Variants in DNAH6 observed in about 807,000 individuals in gnomAD.
DNAH6 encodes the protein dynein axonemal heavy chain 6, also known as axonemal beta dynein heavy chain 6.
A neutral mutation model predicts 491.4 loss-of-function variants in DNAH6; 340 were observed. That is an observed-to-expected ratio of 0.69 (90% CI 0.63 to 0.76). The LOEUF (loss-of-function observed/expected upper bound fraction) is 0.76. DNAH6 is among the 30% of genes least tolerant of loss of function. DNAH6 has a pLI of 0.00. For missense variants in DNAH6, 4,443 were observed against 4,972.2 expected (o/e 0.89, Z 3.20); for synonymous variants, 1,603 against 1,686.1 (o/e 0.95, Z 1.21).
At position 84,819,460 on chromosome 2, in the gene DNAH6, T is replaced by C. The variant is rs1680820278; in HGVS notation, c.*52T>C. 1 of 1,215,030 alleles carries C rather than the reference T, an allele frequency of 8.2e-7. No individual in the cohort carries two copies. The highest frequency in any genetic ancestry group is 2.3e-5 in the Admixed American group (1 of 43,504). 75.3% of individuals were successfully genotyped at this position (1,215,030 alleles called of 1,614,324 possible). A position where few individuals can be genotyped will look rare whatever the true frequency, so the allele number is the denominator to read the frequency against. ...GAACCAGGCCAGAGATCTTTCCTAA[T>C]GGGAGCAAAAGGTTTGAATAATTTA... is the stretch of plus-strand genomic sequence containing the variant. On this transcript the variant is annotated 3_prime_UTR_variant, in exon 77 of 77. Transcript: ENST00000389394.
intron 54 of DNAH6, among the ~76,000 whole-genome samples, chr2:84,709,016 G>A (rs1412781500): frequency 2.0e-5 from 3 of 152,196 alleles, no homozygotes; most frequent in Admixed American, 2.0e-4. Flanking sequence ...TTCTCCATAT[G>A]CTTTCAGACT....
chr2:84,510,207 T>A, the DNAH6 span, among the ~76,000 whole-genome samples: 8 of 152,244 alleles, frequency 5.3e-5, no homozygotes, highest in African/African-American at 1.9e-4. Flanking sequence ...CACTTTCAGG[T>A]ACAAAAATCA....
At chr2:84,715,208 G>C (rs1431089301) in intron 57 of DNAH6, among the ~76,000 whole-genome samples, 2 of 152,008 alleles carry the variant, frequency 1.3e-5, no homozygotes, top group African/African-American at 4.8e-5. Context: ...ACAGATGAGT[G>C]GCTCATCCAA....
At chr2:84,521,107 T>C (rs1308227306) in intron 2 of DNAH6, among the ~76,000 whole-genome samples, 1 of 152,044 alleles carries the variant, frequency 6.6e-6, no homozygotes, top group African/African-American at 2.4e-5. Context: ...AGTATCTGAT[T>C]GTATGAATAT....
the DNAH6 span, among the ~76,000 whole-genome samples, chr2:84,471,681 G>T: frequency 6.6e-6 from 1 of 152,106 alleles, no homozygotes; most frequent in South Asian, 2.1e-4. Context: ...TTCCATGGTC[G>T]TACACATCTT....
Position 84,745,640 on chromosome 2 carries a change from T to C in DNAH6, c.10512+391T>C, listed in dbSNP as rs558524685. Reference sequence around the variant, plus strand: ...GAGATCGCGCCACTGCACTCCAGCCTGGGCAACAGAGCGAGACACTGTCTC... The same window carrying C: ...GAGATCGCGCCACTGCACTCCAGCCCGGGCAACAGAGCGAGACACTGTCTC... On this transcript the variant is annotated intron_variant, in intron 63 of 76. Transcript: ENST00000389394. 5.8e-5 allele frequency among the ~76,000 whole-genome samples: 8 copies of C among 138,372 alleles called. No homozygotes were observed. In the East Asian group the frequency reaches 1.7e-3, roughly 29 times the overall value. The allele number at this position is 138,372 out of a possible 152,430, so 90.8% of individuals were successfully genotyped here.
At chr2:84,531,947 T>C (rs1677218790) in intron 4 of DNAH6, among the ~76,000 whole-genome samples, 1 of 152,076 alleles carries the variant, frequency 6.6e-6, no homozygotes, top group Non-Finnish European at 1.5e-5. Flanking sequence ...TGATGGAAAG[T>C]GGGTTATTTG....
the DNAH6 span, among the ~76,000 whole-genome samples, chr2:84,474,659 T>C: frequency 5.3e-5 from 8 of 152,192 alleles, no homozygotes; most frequent in African/African-American, 1.7e-4. Flanking sequence ...CAGGAATAGA[T>C]GAAATGATAG....
the DNAH6 span, among the ~76,000 whole-genome samples, chr2:84,506,277 T>C: frequency 6.6e-6 from 1 of 152,348 alleles, no homozygotes; most frequent in Non-Finnish European, 1.5e-5. Flanking sequence ...TGTGAGATGG[T>C]ATCTCATTGT....
In DNAH6 at chr2:84,672,185, T is replaced by C. The variant is rs527637871; in HGVS notation, c.6455-142T>C. 1.0e-5 allele frequency: 8 copies of C among 773,478 alleles called. No homozygotes were observed. The Admixed American group carries it at 2.6e-4, about 25-fold the overall frequency. 47.9% of individuals were successfully genotyped at this position (773,478 alleles called of 1,614,324 possible). ...GCCTGGGTGGGGCCAGAAGGAAGTC[T>C]CTCCTCCTCCAGGCAGGACTCAGAA... On this transcript the variant is annotated intron_variant, in intron 39 of 76. Coordinates refer to ENST00000389394, the MANE Select transcript of DNAH6 (RefSeq NM_001370.2).
chr2:84,536,614 CT>C (rs1677713760), intron 4 of DNAH6, among the ~76,000 whole-genome samples: 1 of 151,896 alleles, frequency 6.6e-6, no homozygotes, highest in Admixed American at 6.6e-5. Context: ...GTGGTGGTAC[CT>C]TTGGTGAATA....
chr2:84,623,284 C>T (rs1182526885), intron 26 of DNAH6, among the ~76,000 whole-genome samples: 4 of 152,084 alleles, frequency 2.6e-5, no homozygotes, highest in Non-Finnish European at 5.9e-5. Context: ...AGCAAGGAAA[C>T]AATCAACAGA....
chr2:84,715,657 AG>A, intron 58 of DNAH6, 30 bp downstream of exon 58: 1 of 1,539,138 alleles, frequency 6.5e-7, no homozygotes, highest in South Asian at 1.2e-5. Flanking sequence ...AGGGGAGGGA[AG>A]GGGGTATTGT....
At chr2:84,490,624 T>C in the DNAH6 span, among the ~76,000 whole-genome samples, 146,828 of 152,260 alleles carry the variant, frequency 0.96, 70,842 homozygotes, top group East Asian at 1. Flanking sequence ...TGCAGTGGCA[T>C]TATCTCAGCT....
intron 54 of DNAH6, among the ~76,000 whole-genome samples, chr2:84,708,219 C>A (rs1045291930): frequency 2.0e-5 from 3 of 151,814 alleles, no homozygotes; most frequent in African/African-American, 4.8e-5. Flanking sequence ...GGGTGGATCA[C>A]CTGAGGTCAG....
chr2:84,652,333 C>A (rs1265271217), intron 33 of DNAH6, among the ~76,000 whole-genome samples: 1 of 151,966 alleles, frequency 6.6e-6, no homozygotes, highest in Non-Finnish European at 1.5e-5. Context: ...ATAGTCATTT[C>A]TTTAACTATT....
intron 46 of DNAH6, among the ~76,000 whole-genome samples, chr2:84,696,723 T>C (rs979275324): frequency 7.9e-5 from 12 of 152,052 alleles, no homozygotes; most frequent in Non-Finnish European, 1.3e-4. Context: ...TACTCAAACT[T>C]TTATATAACT....
At chr2:84,661,257 G>T (rs1001196287) in intron 37 of DNAH6, among the ~76,000 whole-genome samples, 1 of 151,934 alleles carries the variant, frequency 6.6e-6, no homozygotes, top group Non-Finnish European at 1.5e-5. Context: ...TCAAGTGAAA[G>T]GGTCACAACC....
At chr2:84,535,056 A>G (rs542731212) in intron 4 of DNAH6, among the ~76,000 whole-genome samples, 4 of 151,820 alleles carry the variant, frequency 2.6e-5, no homozygotes, top group African/African-American at 9.7e-5. Context: ...TTATTTTTTT[A>G]ATTTTATAAT....
Sources: allele counts gnomAD v4.1 joint callset (sites outside exome capture counted in the v4.1 genomes callset), GRCh38; gene constraint gnomAD v4.1.1; transcripts MANE v1.5; gene names NCBI Gene and HGNC (gene_info 2026-07-23, HGNC 2026-07-21).